KCNMA1: variants seen among roughly 807,000 people sequenced by gnomAD.
KCNMA1 encodes the protein Calcium-activated potassium channel subunit alpha-1.
A neutral mutation model predicts 140.0 loss-of-function variants in KCNMA1; 29 were observed. The ratio of observed to expected loss-of-function variants is 0.21; its 90% CI spans 0.15 to 0.28. KCNMA1 has a LOEUF of 0.28. Among genes scored for constraint, KCNMA1 ranks in the 10% least tolerant of loss-of-function variants. The pLI is 1.00. For synonymous variants in KCNMA1, 612 were observed against 611.9 expected (o/e 1.00, Z 0.00); for missense variants, 880 against 1,602.2 (o/e 0.55, Z 7.70).
intron 2 of KCNMA1, among the ~76,000 whole-genome samples, chr10:77,287,461 C>A (rs1346814265): frequency 6.6e-6 from 1 of 152,178 alleles, no homozygotes; most frequent in African/African-American, 2.4e-5. Context: ...CTGTCTAGTC[C>A]AGAAGCTTGC....
intron 1 of KCNMA1, among the ~76,000 whole-genome samples, chr10:77,481,580 C>T (rs1317180463): frequency 6.6e-6 from 1 of 151,780 alleles, no homozygotes; most frequent in Non-Finnish European, 1.5e-5. Context: ...CGAGACCATC[C>T]TGGTGAACAC....
intron 2 of KCNMA1, among the ~76,000 whole-genome samples, chr10:77,397,359 G>A (rs768993492): frequency 6.6e-6 from 1 of 152,024 alleles, no homozygotes; most frequent in Non-Finnish European, 1.5e-5. Flanking sequence ...TTTTTAAAAC[G>A]TTGTATTGAC....
intron 2 of KCNMA1, among the ~76,000 whole-genome samples, chr10:77,395,632 G>A (rs1041694917): frequency 1.3e-5 from 2 of 152,224 alleles, no homozygotes; most frequent in Non-Finnish European, 2.9e-5. Flanking sequence ...TCTCGAGGAG[G>A]GGGATGAGAA....
chr10:77,412,665 G>T (rs1343871138), intron 1 of KCNMA1, among the ~76,000 whole-genome samples: 3 of 152,334 alleles, frequency 2.0e-5, no homozygotes, highest in Non-Finnish European at 4.4e-5. Context: ...CAGGGGGGCT[G>T]GTTACCAAGG....
downstream of KCNMA1, chr10:76,884,799 G>A (rs148523439): frequency 1.3e-5 from 10 of 760,898 alleles, no homozygotes; most frequent in African/African-American, 1.1e-4. Flanking sequence ...GGAAAGGGGA[G>A]GGGGGGAAAA....
intron 1 of KCNMA1, among the ~76,000 whole-genome samples, chr10:77,432,874 G>A (rs2097181644): frequency 6.6e-6 from 1 of 152,128 alleles, no homozygotes. Context: ...AGGGAGGGAA[G>A]AAGGAGAGGG....
intron 12 of KCNMA1, among the ~76,000 whole-genome samples, chr10:77,081,566 G>A (rs2096567011): frequency 6.6e-6 from 1 of 152,180 alleles, no homozygotes; most frequent in Non-Finnish European, 1.5e-5. Flanking sequence ...ATGGAGAGAA[G>A]GCAGCCAGGG....
chr10:77,403,949 T>C lies in KCNMA1; in HGVS notation c.453A>G (p.Ala151=), dbSNP rs747102916. The change falls in exon 2 of 28, where the codon GCA becomes GCG. Residue 151 remains alanine, a synonymous_variant. Coordinates refer to ENST00000286628, the MANE Select transcript of KCNMA1 (RefSeq NM_001161352.2). ...TLKPVDEKEE[A]VAAEVGWMTS... ...TCATCCAGCCGACCTCGGCGGCCAC[T>C]GCCTCCTCTTTTTCATCCACTGGTT... 4.3e-6 allele frequency: 7 copies of C among 1,614,202 alleles called. No homozygotes were observed. Among genetic ancestry groups the C allele is most frequent in the Non-Finnish European group, 5.9e-6 (7 of 1,180,040 alleles).
At chr10:77,509,101 TTTGTTGTTGTTGTTG>T (rs71028281) in intron 1 of KCNMA1, among the ~76,000 whole-genome samples, 9 of 119,028 alleles carry the variant, frequency 7.6e-5, no homozygotes, top group East Asian at 3.2e-4. Context: ...TTTGTTGGGT[TTTGTTGTTGTTGTTG>T]TTGTTGTTGT....
chr10:77,401,652 T>C (rs572751661), intron 2 of KCNMA1, among the ~76,000 whole-genome samples: 1 of 152,360 alleles, frequency 6.6e-6, no homozygotes, highest in Non-Finnish European at 1.5e-5. Flanking sequence ...GCAAATGCAT[T>C]CTGTCTTATT....
At chr10:76,960,978 T>C (rs1344365442) in intron 20 of KCNMA1, among the ~76,000 whole-genome samples, 1 of 152,012 alleles carries the variant, frequency 6.6e-6, no homozygotes, top group Non-Finnish European at 1.5e-5. Flanking sequence ...ATGAATGTTG[T>C]TTCCATACCT....
chr10:77,090,661 G>A, intron 9 of KCNMA1, 151 bp from the exon 10 acceptor site: 1 of 665,658 alleles, frequency 1.5e-6, no homozygotes, highest in South Asian at 1.7e-5. Flanking sequence ...CATCCCCAGA[G>A]GGCAGTGAGG....
intron 3 of KCNMA1, among the ~76,000 whole-genome samples, chr10:77,248,926 C>T (rs190504216): frequency 4.5e-4 from 69 of 152,212 alleles, no homozygotes; most frequent in East Asian, 4.4e-3. Flanking sequence ...GGCCTGCCAC[C>T]GGACAGAATC....
At chr10:77,023,685 C>T (rs554241612) in intron 16 of KCNMA1, among the ~76,000 whole-genome samples, 1 of 152,270 alleles carries the variant, frequency 6.6e-6, no homozygotes, top group East Asian at 1.9e-4. Context: ...TTGTAGTTTA[C>T]AGGCTATGTG....
chr10:77,439,132 G>GAAGAGAAGAGAAGAGAAGAGAA (rs1603619736), intron 1 of KCNMA1, among the ~76,000 whole-genome samples: 1 of 144,254 alleles, frequency 6.9e-6, no homozygotes, highest in African/African-American at 2.6e-5. Flanking sequence ...GAAGAGAAGA[G>GAAGAGAAGAGAAGAGAAGAGAA]AAGAGAAGAG....
chr10:77,095,348 T>C (rs2096905389), intron 9 of KCNMA1, among the ~76,000 whole-genome samples: 1 of 152,206 alleles, frequency 6.6e-6, no homozygotes. Flanking sequence ...ATAAAATAGA[T>C]ATAAGCTGAC....
chr10:76,936,902 T>C (rs1304723962), intron 23 of KCNMA1, among the ~76,000 whole-genome samples: 2 of 152,168 alleles, frequency 1.3e-5, no homozygotes, highest in Non-Finnish European at 2.9e-5. Flanking sequence ...CATGAATGCT[T>C]CCACTAAAAG....
At chr10:77,018,943 T>C in intron 17 of KCNMA1, 70 bp downstream of exon 17, 1 of 862,760 alleles carries the variant, frequency 1.2e-6, no homozygotes, top group South Asian at 1.3e-5. Flanking sequence ...TATGGAAGCC[T>C]GCCTACTTCC....
chr10:76,964,000 G>A (rs561680913), intron 20 of KCNMA1, among the ~76,000 whole-genome samples: 1 of 151,990 alleles, frequency 6.6e-6, no homozygotes, highest in East Asian at 1.9e-4. Flanking sequence ...CCTCATTCTT[G>A]GGTGCCTTGG....
Sources: allele counts gnomAD v4.1 joint callset (sites outside exome capture counted in the v4.1 genomes callset), GRCh38; gene constraint gnomAD v4.1.1; transcripts MANE v1.5; gene names NCBI Gene and HGNC (gene_info 2026-07-23, HGNC 2026-07-21).